Variants in TAS2R1 observed in about 807,000 individuals in gnomAD.
The protein encoded by TAS2R1 is taste receptor type 2 member 1.
For synonymous variants in TAS2R1, 141 were observed against 134.2 expected, an observed-to-expected ratio of 1.05 and a Z score of -0.35; for missense variants, 370 against 353.4, an observed-to-expected ratio of 1.05 and a Z score of -0.38.
chr5:9,726,591 G>A, the TAS2R1 span, among the ~76,000 whole-genome samples: 2 of 152,080 alleles, frequency 1.3e-5, no homozygotes, highest in African/African-American at 2.4e-5. Context: ...CTGAGCCAGC[G>A]AAACCACCAA....
chr5:9,875,273 G>T, the TAS2R1 span, among the ~76,000 whole-genome samples: 1 of 152,202 alleles, frequency 6.6e-6, no homozygotes, highest in Admixed American at 6.5e-5. Context: ...GAACTGGAAA[G>T]GGTATGTCCT....
chr5:9,831,397 A>G, the TAS2R1 span, among the ~76,000 whole-genome samples: 4 of 152,212 alleles, frequency 2.6e-5, no homozygotes, highest in African/African-American at 9.6e-5. Flanking sequence ...TCACGAAACA[A>G]TAAAATTTTA....
intron 2 of TAS2R1, among the ~76,000 whole-genome samples, chr5:9,653,322 A>G (rs1424119563): frequency 1.3e-5 from 2 of 152,132 alleles, no homozygotes; most frequent in Non-Finnish European, 2.9e-5. Flanking sequence ...TTTATCACCA[A>G]TGTTGTAGCA....
the TAS2R1 span, among the ~76,000 whole-genome samples, chr5:9,857,737 T>C: frequency 2.6e-5 from 4 of 152,312 alleles, no homozygotes; most frequent in East Asian, 7.7e-4. Context: ...TCTTGTTGAC[T>C]TACATTGAGG....
the TAS2R1 span, among the ~76,000 whole-genome samples, chr5:9,859,660 G>C: frequency 6.6e-6 from 1 of 152,156 alleles, no homozygotes; most frequent in African/African-American, 2.4e-5. Context: ...AATGCAGGGG[G>C]ACCAGATAAA....
At chr5:9,806,093 T>C in the TAS2R1 span, among the ~76,000 whole-genome samples, 5 of 152,086 alleles carry the variant, frequency 3.3e-5, no homozygotes, top group African/African-American at 1.2e-4. Flanking sequence ...AGCTCTGCTA[T>C]ATACCAACAA....
intron 1 of TAS2R1, among the ~76,000 whole-genome samples, chr5:9,694,628 G>C (rs1204943731): frequency 6.6e-6 from 1 of 152,070 alleles, no homozygotes; most frequent in Non-Finnish European, 1.5e-5. Context: ...CTTAATTGTA[G>C]ATCTTTCATG....
At chr5:9,802,971 G>A in the TAS2R1 span, among the ~76,000 whole-genome samples, 42 of 152,114 alleles carry the variant, frequency 2.8e-4, no homozygotes, top group African/African-American at 9.7e-4. Context: ...AGAGAAAGGT[G>A]AAGTCCAACT....
chr5:9,753,176 T>G, the TAS2R1 span, among the ~76,000 whole-genome samples: 7 of 152,126 alleles, frequency 4.6e-5, no homozygotes, highest in Non-Finnish European at 7.4e-5. Flanking sequence ...CAGTGTAAAA[T>G]TGTTCCTATT....
At chr5:9,754,341 C>T in the TAS2R1 span, among the ~76,000 whole-genome samples, 2 of 152,154 alleles carry the variant, frequency 1.3e-5, no homozygotes, top group African/African-American at 4.8e-5. Flanking sequence ...CCTTTGAAAA[C>T]TGGCACAAGA....
chr5:9,707,626 T>C (rs1741644088), intron 1 of TAS2R1, among the ~76,000 whole-genome samples: 1 of 151,950 alleles, frequency 6.6e-6, no homozygotes, highest in South Asian at 2.1e-4. Context: ...GAGGTTGCAG[T>C]GAGCTGACAT....
chr5:9,852,641 G>C, the TAS2R1 span, among the ~76,000 whole-genome samples: 2 of 152,134 alleles, frequency 1.3e-5, no homozygotes, highest in African/African-American at 4.8e-5. Context: ...CCTTTCATCT[G>C]TCTCAGATGT....
the TAS2R1 span, among the ~76,000 whole-genome samples, chr5:9,873,335 G>C: frequency 2.6e-4 from 40 of 151,844 alleles, no homozygotes; most frequent in Non-Finnish European, 5.4e-4. Context: ...CAAGCATCTG[G>C]TCTGATTTCT....
chr5:9,628,920 G>C lies in TAS2R1; in HGVS notation c.*213C>G. ...ATATCACTACCAGGATATTGAAATT[G>C]ATGTAATCCATCAACATATGTTGTG... On this transcript the variant is annotated 3_prime_UTR_variant, in exon 1 of 1. Transcript: ENST00000382492. 2.3e-6 allele frequency: 1 copy of C among 439,648 alleles called. No individual in the cohort carries two copies. Among genetic ancestry groups the C allele is most frequent in the Admixed American group, 3.9e-5 (1 of 25,874 alleles). The allele number at this position is 439,648 out of a possible 1,614,324, so 27.2% of individuals were successfully genotyped here. A position where few individuals can be genotyped will look rare whatever the true frequency, so the allele number is the denominator to read the frequency against.
At chr5:9,792,835 C>T in the TAS2R1 span, among the ~76,000 whole-genome samples, 1 of 152,122 alleles carries the variant, frequency 6.6e-6, no homozygotes, top group Non-Finnish European at 1.5e-5. Flanking sequence ...ATCTTTCTTC[C>T]TCCACTCAGT....
At chr5:9,786,910 C>T in the TAS2R1 span, among the ~76,000 whole-genome samples, 3 of 152,172 alleles carry the variant, frequency 2.0e-5, no homozygotes, top group Non-Finnish European at 4.4e-5. Flanking sequence ...CATCATTCTT[C>T]TCCTCTTATG....
the TAS2R1 span, among the ~76,000 whole-genome samples, chr5:9,771,367 A>G: frequency 6.6e-6 from 1 of 152,150 alleles, no homozygotes; most frequent in African/African-American, 2.4e-5. Flanking sequence ...GGGATAAATC[A>G]TCCTTGATTA....
At chr5:9,885,252 AATT>A in the TAS2R1 span, among the ~76,000 whole-genome samples, 1 of 152,210 alleles carries the variant, frequency 6.6e-6, no homozygotes, top group East Asian at 1.9e-4. Context: ...ATTTTTTAAT[AATT>A]ATTATGAAGT....
intron 1 of TAS2R1, among the ~76,000 whole-genome samples, chr5:9,700,146 T>C (rs1346429327): frequency 1.3e-5 from 2 of 152,206 alleles, no homozygotes; most frequent in Non-Finnish European, 2.9e-5. Context: ...ATGAGGCATT[T>C]CCTCATCCAT....
Sources: allele counts gnomAD v4.1 joint callset (sites outside exome capture counted in the v4.1 genomes callset), GRCh38; gene constraint gnomAD v4.1.1; transcripts MANE v1.5; gene names NCBI Gene and HGNC (gene_info 2026-07-23, HGNC 2026-07-21).